The following GALNT13 variants were observed in gnomAD, a reference collection of about 807,000 sequenced individuals.
GALNT13 encodes the protein polypeptide N-acetylgalactosaminyltransferase 13, also known as UDP-GalNAc:polypeptide N-acetylgalactosaminyltransferase 13.
Under a neutral mutation model 64.2 loss-of-function variants are expected in GALNT13, and 28 were observed. The observed-to-expected ratio is 0.44, with a 90% confidence interval of 0.32 to 0.60. GALNT13 has a LOEUF of 0.60. GALNT13 is among the 20% of genes least tolerant of loss of function. GALNT13 has a pLI of 0.05. For synonymous variants in GALNT13, 214 were observed against 224.6 expected (o/e 0.95, Z 0.42); for missense variants, 577 against 669.8 (o/e 0.86, Z 1.53).
the GALNT13 span, among the ~76,000 whole-genome samples, chr2:153,677,284 T>TACACACACACACAC: frequency 1.7e-3 from 246 of 144,752 alleles, no homozygotes; most frequent in African/African-American, 6.1e-3. Context: ...ACAATAGACA[T>TACACACACACACAC]ACACACACAC....
At chr2:153,082,966 T>C in the GALNT13 span, among the ~76,000 whole-genome samples, 1 of 151,594 alleles carries the variant, frequency 6.6e-6, no homozygotes, top group South Asian at 2.1e-4. Flanking sequence ...GTGTCTGGGA[T>C]TACAGGTGCA....
chr2:154,107,255 T>C (rs1298473382), intron 3 of GALNT13, among the ~76,000 whole-genome samples: 1 of 152,128 alleles, frequency 6.6e-6, no homozygotes, highest in East Asian at 1.9e-4. Flanking sequence ...CAACATGAAA[T>C]AGATTAAGAC....
chr2:153,325,266 T>G, the GALNT13 span, among the ~76,000 whole-genome samples: 2 of 152,046 alleles, frequency 1.3e-5, no homozygotes, highest in African/African-American at 2.4e-5. Context: ...TTCTTCTAGA[T>G]TTTCTAGTTT....
intron 9 of GALNT13, among the ~76,000 whole-genome samples, chr2:154,311,766 G>T (rs1241113545): frequency 6.6e-6 from 1 of 152,096 alleles, no homozygotes; most frequent in African/African-American, 2.4e-5. Context: ...GCCCTGGGGG[G>T]GCCAGTTCAG....
At chr2:153,549,567 G>A in the GALNT13 span, among the ~76,000 whole-genome samples, 2 of 152,134 alleles carry the variant, frequency 1.3e-5, no homozygotes, top group Non-Finnish European at 2.9e-5. Flanking sequence ...GAAAACTGTA[G>A]CCATATGATC....
At chr2:153,596,516 A>C in the GALNT13 span, among the ~76,000 whole-genome samples, 12 of 152,168 alleles carry the variant, frequency 7.9e-5, no homozygotes, top group Non-Finnish European at 1.8e-4. Context: ...TCACCAAAAA[A>C]GTCTTTAAAT....
chr2:153,456,239 G>C, the GALNT13 span, among the ~76,000 whole-genome samples: 10 of 152,188 alleles, frequency 6.6e-5, no homozygotes, highest in Non-Finnish European at 1.3e-4. Context: ...TTTCTCCAGG[G>C]ACCCGCCCTT....
the GALNT13 span, among the ~76,000 whole-genome samples, chr2:153,344,796 A>G: frequency 6.6e-6 from 1 of 152,208 alleles, no homozygotes; most frequent in East Asian, 1.9e-4. Flanking sequence ...TGGATATATT[A>G]ATTAGCTCAA....
the GALNT13 span, among the ~76,000 whole-genome samples, chr2:153,630,808 T>TGTATA: frequency 5.9e-5 from 1 of 16,984 alleles, no homozygotes; most frequent in Non-Finnish European, 9.6e-5. Flanking sequence ...TATATATATA[T>TGTATA]TTTTTTTTTT....
At chr2:153,601,071 A>G in the GALNT13 span, among the ~76,000 whole-genome samples, 5 of 152,014 alleles carry the variant, frequency 3.3e-5, no homozygotes, top group Middle Eastern at 0.017. Flanking sequence ...GACATTACTA[A>G]CCAAAGATGG....
At chr2:153,200,356 G>A in the GALNT13 span, among the ~76,000 whole-genome samples, 1 of 152,242 alleles carries the variant, frequency 6.6e-6, no homozygotes, top group Non-Finnish European at 1.5e-5. Flanking sequence ...GGTAAAGTTG[G>A]TGGTCAGGAA....
chr2:153,178,751 T>TC, the GALNT13 span, among the ~76,000 whole-genome samples: 2 of 135,142 alleles, frequency 1.5e-5, no homozygotes, highest in Non-Finnish European at 3.2e-5. Context: ...TTTTTTTTTT[T>TC]TTGAGATGGA....
At chr2:153,378,346 C>CT in the GALNT13 span, among the ~76,000 whole-genome samples, 1 of 151,366 alleles carries the variant, frequency 6.6e-6, no homozygotes, top group Non-Finnish European at 1.5e-5. Flanking sequence ...GTTCTTCAGC[C>CT]TTTAACAAAT....
At chr2:153,328,723 G>A in the GALNT13 span, among the ~76,000 whole-genome samples, 1 of 152,158 alleles carries the variant, frequency 6.6e-6, no homozygotes, top group South Asian at 2.1e-4. Flanking sequence ...GCAAGCTGGT[G>A]GATCTTAGCA....
intron 4 of GALNT13, among the ~76,000 whole-genome samples, chr2:154,161,758 T>C (rs1684736486): frequency 6.6e-6 from 1 of 151,968 alleles, no homozygotes; most frequent in African/African-American, 2.4e-5. Flanking sequence ...AAGACAAGGC[T>C]GAGCAACATA....
chr2:153,882,513 C>T lies in GALNT13; in HGVS notation c.-177+10210C>T, dbSNP rs764415451. 5.9e-5 allele frequency among the ~76,000 whole-genome samples: 9 copies of T among 152,070 alleles called. No individual in the cohort carries two copies. In the South Asian group the frequency reaches 1.7e-3, roughly 28 times the overall value. ...AAACAATGCCTCTTTTATTTTGGCA[C>T]TTACAGTCTTTAAGCCTAATGATCA... On this transcript the variant is annotated intron_variant, in intron 1 of 12. Transcript: ENST00000392825.
chr2:154,055,568 G>GA (rs1291189048), intron 3 of GALNT13, among the ~76,000 whole-genome samples: 1 of 152,086 alleles, frequency 6.6e-6, no homozygotes, highest in Non-Finnish European at 1.5e-5. Context: ...ACTAATTGGA[G>GA]AAAGTATCCT....
At chr2:153,111,483 T>C in the GALNT13 span, among the ~76,000 whole-genome samples, 1 of 151,964 alleles carries the variant, frequency 6.6e-6, no homozygotes, top group African/African-American at 2.4e-5. Context: ...CTAAAAGATA[T>C]AAAAACAAAG....
the GALNT13 span, among the ~76,000 whole-genome samples, chr2:153,282,044 T>C: frequency 6.6e-6 from 1 of 152,084 alleles, no homozygotes. Context: ...TGGCAGTGAT[T>C]CCTAGGTTCA....
Sources: allele counts gnomAD v4.1 joint callset (sites outside exome capture counted in the v4.1 genomes callset), GRCh38; gene constraint gnomAD v4.1.1; transcripts MANE v1.5; gene names NCBI Gene and HGNC (gene_info 2026-07-23, HGNC 2026-07-21).